The following H2BC18 variants were observed in gnomAD, a reference collection of about 807,000 sequenced individuals.
H2BC18 encodes H2B clustered histone 18, also known as histone H2B type 2-F.
Under a neutral mutation model 6.3 loss-of-function variants are expected in H2BC18, and 8 were observed. That is an observed-to-expected ratio of 1.28 (90% CI 0.75 to 2.31). The LOEUF is 2.31. Among genes scored for constraint, H2BC18 ranks in the 30% most tolerant of loss-of-function variants. The pLI is 0.00. For synonymous variants in H2BC18, 104 were observed against 78.1 expected (o/e 1.33, Z -1.75); for missense variants, 106 against 174.5 (o/e 0.61, Z 2.21).
At chr1:149,793,084 A>G (rs1553752340) in intron 1 of H2BC18, 1 of 1,274,398 alleles carries the variant, frequency 7.8e-7, no homozygotes, top group Non-Finnish European at 1.0e-6. Context: ...TGGAGGTTGC[A>G]GCTGCCGCCA....
intron 1 of H2BC18, among the ~76,000 whole-genome samples, chr1:149,785,417 T>G (rs1331175166): frequency 7.5e-6 from 1 of 133,458 alleles, no homozygotes; most frequent in Admixed American, 7.4e-5. Context: ...CGTTTTTTTT[T>G]TTTTTTTTTT....
chr1:149,793,198 A>G (rs2091756726), intron 1 of H2BC18: 1 of 1,277,586 alleles, frequency 7.8e-7, no homozygotes. Context: ...GGCTCCCAGC[A>G]GGCGCCCCAT....
chr1:149,793,514 C>G (rs1553752461), intron 1 of H2BC18, among the ~76,000 whole-genome samples: 1 of 152,126 alleles, frequency 6.6e-6, no homozygotes, highest in Non-Finnish European at 1.5e-5. Context: ...CTGGAGGGAT[C>G]TGATGCAGCT....
chr1:149,784,759 C>A (rs1553750643), intron 1 of H2BC18, among the ~76,000 whole-genome samples: 1 of 150,168 alleles, frequency 6.7e-6, no homozygotes, highest in Non-Finnish European at 1.5e-5. Flanking sequence ...GGTGGTAGAA[C>A]ACTTTCTAAG....
chr1:149,789,989 G>A (rs2091661382), intron 1 of H2BC18: 15 of 1,613,120 alleles, frequency 9.3e-6, no homozygotes, highest in Non-Finnish European at 9.3e-6. Context: ...TAAAGGGCAT[G>A]TCTTTTGTGA....
chr1:149,785,407 C>CG (rs2091515637), intron 1 of H2BC18, among the ~76,000 whole-genome samples: 15 of 74,542 alleles, frequency 2.0e-4, no homozygotes, highest in African/African-American at 5.9e-4. Flanking sequence ...AGAGCTGTTT[C>CG]GTTTTTTTTT....
At chr1:149,797,396 C>T (rs1466426912) in intron 1 of H2BC18, among the ~76,000 whole-genome samples, 1 of 151,924 alleles carries the variant, frequency 6.6e-6, no homozygotes, top group African/African-American at 2.4e-5. Flanking sequence ...ATTTTAATAT[C>T]TTCTATATCT....
At chr1:149,802,191 A>G (rs2091879446) in intron 1 of H2BC18, among the ~76,000 whole-genome samples, 1 of 152,172 alleles carries the variant, frequency 6.6e-6, no homozygotes, top group South Asian at 2.1e-4. Flanking sequence ...TGAAAATCAG[A>G]GGTCAAACAC....
At chr1:149,789,371 C>T (rs1411114229) in intron 1 of H2BC18, among the ~76,000 whole-genome samples, 2 of 146,414 alleles carry the variant, frequency 1.4e-5, no homozygotes, top group African/African-American at 5.1e-5. Context: ...CCAGCCTGGG[C>T]AACAGAGCGA....
chr1:149,805,022 G>A (rs1553753746), intron 1 of H2BC18, among the ~76,000 whole-genome samples: 1 of 152,200 alleles, frequency 6.6e-6, no homozygotes, highest in East Asian at 1.9e-4. Flanking sequence ...GCCTCTGAGA[G>A]CCTTCAGCAT....
downstream of H2BC18, chr1:149,811,786 A>G: frequency 1.5e-6 from 1 of 687,068 alleles, no homozygotes; most frequent in Non-Finnish European, 2.5e-6. Context: ...TTAGTCCTAA[A>G]CCCGAATGCA....
At chr1:149,788,215 A>G in intron 1 of H2BC18, 1 of 1,540,946 alleles carries the variant, frequency 6.5e-7, no homozygotes, top group Middle Eastern at 2.4e-4. Context: ...AAAGCTAAAG[A>G]TATTTGAGGA....
chr1:149,786,603 G>T (rs1553750863), intron 1 of H2BC18: 1 of 152,064 alleles, frequency 6.6e-6, no homozygotes, highest in African/African-American at 2.4e-5. Flanking sequence ...CTGGTTGGTG[G>T]ACCCGAGCCC....
At chr1:149,810,063 T>G (rs1319877694), downstream of H2BC18, among the ~76,000 whole-genome samples, 2 of 151,136 alleles carry the variant, frequency 1.3e-5, no homozygotes, top group African/African-American at 4.8e-5. Context: ...ATGATGGCAT[T>G]TGTGTAGTTG....
downstream of H2BC18, chr1:149,810,678 A>C (rs1197991318): frequency 1.3e-5 from 2 of 152,084 alleles, no homozygotes; most frequent in Non-Finnish European, 2.9e-5. Context: ...AATTCACCCC[A>C]CATATTAACT....
At chr1:149,791,630 G>C in intron 1 of H2BC18, 9 of 1,519,714 alleles carry the variant, frequency 5.9e-6, no homozygotes, top group Non-Finnish European at 7.0e-6. Flanking sequence ...TGTGTCTCAT[G>C]GTATGTAACT....
At chr1:149,803,150 G>A (rs1297289647) in intron 1 of H2BC18, among the ~76,000 whole-genome samples, 5 of 151,972 alleles carry the variant, frequency 3.3e-5, no homozygotes, top group Admixed American at 1.3e-4. Context: ...GCCCAGGATC[G>A]TATCTGTGCT....
chr1:149,809,727 G>A (rs1467470417), downstream of H2BC18, among the ~76,000 whole-genome samples: 1 of 147,548 alleles, frequency 6.8e-6, no homozygotes, highest in East Asian at 1.9e-4. Flanking sequence ...GTTATGCAAG[G>A]AATGAGGCCT....
intron 1 of H2BC18, chr1:149,785,707 A>T (rs1553750767): frequency 6.6e-6 from 1 of 152,130 alleles, no homozygotes; most frequent in East Asian, 1.9e-4. Flanking sequence ...AATATAACTT[A>T]TGTACAACAA....
Sources: gnomAD v4.1 joint callset for allele counts (sites outside exome capture counted in the v4.1 genomes callset) on GRCh38, gnomAD v4.1.1 for gene constraint, MANE v1.5 for transcripts, NCBI Gene and HGNC (gene_info 2026-07-23, HGNC 2026-07-21) for gene names.